The following GALNT18 variants were observed in gnomAD, a reference collection of about 807,000 sequenced individuals.
GALNT18 encodes the protein polypeptide N-acetylgalactosaminyltransferase 18, also known as GalNAc-transferase 18.
GALNT18 carries 44 observed loss-of-function variants against 69.5 expected under a neutral mutation model. The ratio of observed to expected loss-of-function variants is 0.63; its 90% CI spans 0.50 to 0.81. The LOEUF (loss-of-function observed/expected upper bound fraction) is 0.81, where lower values mean the gene tolerates loss of function less well. Among genes scored for constraint, GALNT18 ranks in the 40% least tolerant of loss-of-function variants. GALNT18 has a pLI of 0.00. For synonymous variants in GALNT18, 364 were observed against 318.2 expected (o/e 1.14, Z -1.53); for missense variants, 715 against 810.0 (o/e 0.88, Z 1.42).
At chr11:11,392,232 A>T (rs1426019772) in intron 3 of GALNT18, among the ~76,000 whole-genome samples, 2 of 152,208 alleles carry the variant, frequency 1.3e-5, no homozygotes, top group Non-Finnish European at 2.9e-5. Context: ...ACATGGATTC[A>T]TGGCACATGG....
chr11:11,610,404 T>C (rs1252140494), intron 1 of GALNT18, among the ~76,000 whole-genome samples: 1 of 152,250 alleles, frequency 6.6e-6, no homozygotes, highest in Admixed American at 6.5e-5. Context: ...CCCACAGGCC[T>C]GCTTATGCGG....
chr11:11,381,266 C>T (rs1853911124), intron 3 of GALNT18, among the ~76,000 whole-genome samples: 1 of 152,156 alleles, frequency 6.6e-6, no homozygotes, highest in Admixed American at 6.5e-5. Flanking sequence ...AAATAGAGCT[C>T]ATAAAGTCTG....
chr11:11,545,278 A>G (rs1329200718), intron 1 of GALNT18, among the ~76,000 whole-genome samples: 1 of 152,240 alleles, frequency 6.6e-6, no homozygotes, highest in Admixed American at 6.5e-5. Context: ...AGTAAAGAAC[A>G]ATGAGATGGA....
chr11:11,284,500 G>T (rs992821100), intron 10 of GALNT18, among the ~76,000 whole-genome samples: 2 of 152,132 alleles, frequency 1.3e-5, no homozygotes, highest in African/African-American at 4.8e-5. Context: ...TTCAGGAAAG[G>T]GTTGGGCCCA....
intron 1 of GALNT18, among the ~76,000 whole-genome samples, chr11:11,485,606 T>C (rs1381457505): frequency 1.3e-5 from 2 of 152,072 alleles, no homozygotes; most frequent in Non-Finnish European, 1.5e-5. Flanking sequence ...GCAAGACCAA[T>C]TTCATGAGTG....
At chr11:11,513,131 G>C (rs778705412) in intron 1 of GALNT18, among the ~76,000 whole-genome samples, 16 of 152,166 alleles carry the variant, frequency 1.1e-4, no homozygotes, top group Non-Finnish European at 1.8e-4. Flanking sequence ...CTTGTAGTGT[G>C]GAGTCACGGA....
intron 1 of GALNT18, among the ~76,000 whole-genome samples, chr11:11,471,520 G>T (rs909735393): frequency 6.6e-6 from 1 of 152,112 alleles, no homozygotes; most frequent in Non-Finnish European, 1.5e-5. Context: ...TCTTCTTGCT[G>T]TGATTCCCCA....
intron 1 of GALNT18, among the ~76,000 whole-genome samples, chr11:11,488,248 C>T (rs117381077): frequency 0.038 from 5,767 of 152,294 alleles, 140 homozygotes; most frequent in South Asian, 0.071. Context: ...CAGGGCTGTA[C>T]TCCTCCTGCA....
chr11:11,523,305 G>T lies in GALNT18; in HGVS notation c.236-74369C>A, dbSNP rs1014652280. On this transcript the variant is annotated intron_variant, in intron 1 of 10. Transcript: ENST00000227756. This position sits in a 1 kb window ranked among gnomAD's most constrained non-coding sequence, Gnocchi z 4.3. ...ACAACAGCTGTTTGAGGCAAATCTT[G>T]TCACTCTCACAGGTGAGGACAATGT... Among the ~76,000 whole-genome samples the T allele has an allele frequency of 3.9e-5, 6 of 152,130 alleles. No individual in the cohort carries two copies. The highest frequency in any genetic ancestry group is 1.2e-4 in the African/African-American group (5 of 41,438).
chr11:11,424,193 G>T (rs540787301), intron 3 of GALNT18, among the ~76,000 whole-genome samples: 1 of 152,170 alleles, frequency 6.6e-6, no homozygotes, highest in East Asian at 1.9e-4. Context: ...GCTCACCTAC[G>T]TTGGACCTGC....
chr11:11,584,390 A>G lies in GALNT18; in HGVS notation c.235+36969T>C, dbSNP rs1444178132. ...AAATCAAAGTAAACAGGAACCTTGG[A>G]GCCATCAGGTTACTGTTGGAAAGCT... On this transcript the variant is annotated intron_variant, in intron 1 of 10. Coordinates refer to ENST00000227756, the MANE Select transcript of GALNT18 (RefSeq NM_198516.3). The surrounding 1 kb of genome is among the most constrained non-coding windows in gnomAD (Gnocchi z 4.1). Among the ~76,000 whole-genome samples, 1 of 152,208 alleles carries G rather than the reference A, an allele frequency of 6.6e-6. No individual in the cohort carries two copies. Among genetic ancestry groups the G allele is most frequent in the Non-Finnish European group, 1.5e-5 (1 of 68,038 alleles).
rs1859497772 is a variant in GALNT18, at chr11:11,596,236, T to G, written c.235+25123A>C. On this transcript the variant is annotated intron_variant, in intron 1 of 10. Transcript: ENST00000227756. This position sits in a 1 kb window ranked among gnomAD's most constrained non-coding sequence, Gnocchi z 4.2. ...TTCTGGACTGTCAATTCTATTCTGT[T>G]GATCAGTGTGTCTGTCCTCATGCCT... Among the ~76,000 whole-genome samples the G allele has an allele frequency of 6.6e-6, 1 of 152,226 alleles. No homozygotes were observed. The highest frequency in any genetic ancestry group is 2.1e-4 in the South Asian group (1 of 4,834).
In GALNT18 at chr11:11,595,824, T is replaced by G. The variant is rs1859486653; in HGVS notation, c.235+25535A>C. The stretch of plus-strand genomic sequence containing the variant: ...AATGACTCCCAAATATTTTCCCCAA[T>G]TCATTGGATTATCATTTCAAGAGAA... On this transcript the variant is annotated intron_variant, in intron 1 of 10. Coordinates refer to ENST00000227756, the MANE Select transcript of GALNT18 (RefSeq NM_198516.3). The surrounding 1 kb of genome is among the most constrained non-coding windows in gnomAD (Gnocchi z 5.2). 6.6e-6 allele frequency among the ~76,000 whole-genome samples: 1 copy of G among 152,188 alleles called. No individual in the cohort carries two copies. The highest frequency in any genetic ancestry group is 2.4e-5 in the African/African-American group (1 of 41,452).
intron 1 of GALNT18, among the ~76,000 whole-genome samples, chr11:11,499,961 T>G (rs1856941100): frequency 6.6e-6 from 1 of 151,862 alleles, no homozygotes; most frequent in Non-Finnish European, 1.5e-5. Flanking sequence ...ACCCTTAAAT[T>G]CAAAGGACTT....
Position 11,280,347 on chromosome 11 carries a change from C to T in GALNT18, c.1678-9057G>A, listed in dbSNP as rs193221120. Reference sequence around the variant, plus strand: ...AAAGAGACCTTGAAGGCCAGCCTCTCGCTCTCACATGCCTAATGGCCTCTG... The same window carrying T: ...AAAGAGACCTTGAAGGCCAGCCTCTTGCTCTCACATGCCTAATGGCCTCTG... On this transcript the variant is annotated intron_variant, in intron 10 of 10. Coordinates refer to ENST00000227756, the MANE Select transcript of GALNT18 (RefSeq NM_198516.3). 2.8e-3 allele frequency among the ~76,000 whole-genome samples: 422 copies of T among 152,256 alleles called. 2 individuals carry two copies. The highest frequency in any genetic ancestry group is 8.8e-3 in the African/African-American group (364 of 41,526).
chr11:11,316,350 C>T (rs1247749465), intron 9 of GALNT18, among the ~76,000 whole-genome samples: 4 of 152,082 alleles, frequency 2.6e-5, no homozygotes, highest in Non-Finnish European at 2.9e-5. Flanking sequence ...AAATTCTTGG[C>T]ACACAAAGGA....
intron 9 of GALNT18, among the ~76,000 whole-genome samples, chr11:11,298,093 G>A (rs1014172241): frequency 1.3e-5 from 2 of 152,174 alleles, no homozygotes; most frequent in African/African-American, 2.4e-5. Flanking sequence ...CCCCAGGGCC[G>A]GAGGTTCTCC....
Position 11,452,738 on chromosome 11 carries a change from A to C in GALNT18, c.236-3802T>G, listed in dbSNP as rs185790046. ...CTACAGGGGTCCTGGGGTGTTTGGC[A>C]TATCTGGTGATACCCAGACCCTCTG... On this transcript the variant is annotated intron_variant, in intron 1 of 10. Transcript: ENST00000227756. 4.6e-5 allele frequency among the ~76,000 whole-genome samples: 7 copies of C among 152,304 alleles called. No individual in the cohort carries two copies. The East Asian group carries it at 1.4e-3, about 29-fold the overall frequency.
chr11:11,574,930 G>A (rs573837890), intron 1 of GALNT18, among the ~76,000 whole-genome samples: 32 of 152,328 alleles, frequency 2.1e-4, no homozygotes, highest in African/African-American at 7.2e-4. Flanking sequence ...CAAATTAATA[G>A]TCATGATTTA....
Sources: gnomAD v4.1 joint callset for allele counts (sites outside exome capture counted in the v4.1 genomes callset) on GRCh38, gnomAD v4.1.1 for gene constraint, Gnocchi (gnomAD v3.1) non-coding constraint, MANE v1.5 for transcripts, NCBI Gene and HGNC (gene_info 2026-07-23, HGNC 2026-07-21) for gene names.